ALK: variants seen among roughly 807,000 people sequenced by gnomAD.
ALK encodes the protein ALK receptor tyrosine kinase.
In ALK, 74 loss-of-function variants were observed where a neutral mutation model predicts 163.1. The observed-to-expected ratio is 0.45, with a 90% CI of 0.38 to 0.55. The LOEUF (loss-of-function observed/expected upper bound fraction) is 0.55, where lower values mean the gene tolerates loss of function less well. ALK is among the 20% of genes least tolerant of loss of function. The pLI is 0.00. For missense variants in ALK, 2,063 were observed against 2,105.3 expected (o/e 0.98, Z 0.39); for synonymous variants, 960 against 843.2 (o/e 1.14, Z -2.40).
At chr2:29,792,326 A>G (rs1664208980) in intron 1 of ALK, among the ~76,000 whole-genome samples, 1 of 152,190 alleles carries the variant, frequency 6.6e-6, no homozygotes, top group African/African-American at 2.4e-5. Flanking sequence ...TCAGGTCTGT[A>G]TAAGAATTTA....
At chr2:29,305,338 AATGACCCGAGG>A (rs1288936964) in intron 8 of ALK, among the ~76,000 whole-genome samples, 3 of 152,184 alleles carry the variant, frequency 2.0e-5, no homozygotes, top group Non-Finnish European at 4.4e-5. Context: ...CGTGAGCAGT[AATGACCCGAGG>A]ATGTATACGG....
chr2:29,825,361 A>G (rs975599266), intron 1 of ALK, among the ~76,000 whole-genome samples: 2 of 152,250 alleles, frequency 1.3e-5, no homozygotes, highest in African/African-American at 4.8e-5. Flanking sequence ...CTGGGCCATA[A>G]CAACAAGCAA....
intron 1 of ALK, among the ~76,000 whole-genome samples, chr2:29,919,336 A>T (rs1357516764): frequency 7.0e-6 from 1 of 142,186 alleles, no homozygotes; most frequent in Non-Finnish European, 1.5e-5. Context: ...CTTCCTCCAC[A>T]CCTCCCTCCT....
intron 5 of ALK, among the ~76,000 whole-genome samples, chr2:29,354,536 A>G (rs1202315007): frequency 6.6e-6 from 1 of 152,046 alleles, no homozygotes; most frequent in Non-Finnish European, 1.5e-5. Context: ...GAGCCATGGC[A>G]TCGTGCACCG....
At chr2:29,579,485 T>C (rs1209510382) in intron 3 of ALK, among the ~76,000 whole-genome samples, 1 of 152,186 alleles carries the variant, frequency 6.6e-6, no homozygotes, top group Non-Finnish European at 1.5e-5. Flanking sequence ...TGATAGCAAA[T>C]GTTCAGCTAG....
At chr2:29,579,268 C>T (rs958065953) in intron 3 of ALK, among the ~76,000 whole-genome samples, 29 of 152,314 alleles carry the variant, frequency 1.9e-4, no homozygotes, top group African/African-American at 6.5e-4. Context: ...GCCTAAGTTC[C>T]GTTCCAGCTT....
chr2:29,226,885 A>G (rs2148178173), intron 18 of ALK, 37 bp downstream of exon 18: 1 of 1,612,730 alleles, frequency 6.2e-7, no homozygotes, highest in Non-Finnish European at 8.5e-7. Context: ...ATCTCAGGCT[A>G]TGGGCCCCTC....
At chr2:29,236,590 G>C (rs540878838) in intron 13 of ALK, among the ~76,000 whole-genome samples, 1 of 152,170 alleles carries the variant, frequency 6.6e-6, no homozygotes, top group Non-Finnish European at 1.5e-5. Flanking sequence ...TCAGGTGGGG[G>C]TGGGGAGCGG....
At chr2:29,591,267 T>G (rs1675050029) in intron 3 of ALK, among the ~76,000 whole-genome samples, 1 of 152,152 alleles carries the variant, frequency 6.6e-6, no homozygotes, top group South Asian at 2.1e-4. Context: ...TCCTTCAGAC[T>G]TCCTCATTCT....
chr2:29,838,886 A>G (rs1381139709), intron 1 of ALK, among the ~76,000 whole-genome samples: 1 of 150,498 alleles, frequency 6.6e-6, no homozygotes, highest in East Asian at 1.9e-4. Flanking sequence ...TGGACACAAA[A>G]GATAAGTGTT....
At chr2:29,268,524 T>C (rs1301657357) in intron 11 of ALK, among the ~76,000 whole-genome samples, 1 of 152,156 alleles carries the variant, frequency 6.6e-6, no homozygotes. Flanking sequence ...GGCCCCTGCA[T>C]AGGGTTTGGC....
intron 3 of ALK, among the ~76,000 whole-genome samples, chr2:29,685,032 G>T (rs939345461): frequency 6.6e-6 from 1 of 152,162 alleles, no homozygotes; most frequent in African/African-American, 2.4e-5. Flanking sequence ...GTTCATCTTC[G>T]ATTATCATCT....
chr2:29,310,930 G>T (rs572656270), intron 8 of ALK, among the ~76,000 whole-genome samples: 2 of 152,248 alleles, frequency 1.3e-5, no homozygotes, highest in African/African-American at 4.8e-5. Context: ...TGTCATTAGA[G>T]ACTGGAAGTG....
rs758695651 is a variant in ALK, at chr2:29,209,894, A to G, written c.3744-16T>C. ...AGCAATGTCTCTGGGAAGAAAGGAAATGCATTTCCTAATTTTATCCCTAGG... is the reference window on the plus strand; with the variant it reads ...AGCAATGTCTCTGGGAAGAAAGGAAGTGCATTTCCTAATTTTATCCCTAGG... On this transcript the variant is annotated splice_polypyrimidine_tract_variant and intron_variant, in intron 24 of 28. Coordinates refer to ENST00000389048, the MANE Select transcript of ALK (RefSeq NM_004304.5). The G allele has an allele frequency of 6.2e-7, 1 of 1,606,906 alleles. No individual in the cohort carries two copies. The highest frequency in any genetic ancestry group is 1.3e-5 in the African/African-American group (1 of 74,932).
rs1025757714 is a variant in ALK, at chr2:29,414,297, T to C, written c.1155-30438A>G. Among the ~76,000 whole-genome samples the C allele has an allele frequency of 7.2e-5, 11 of 152,190 alleles. No homozygotes were observed. The East Asian group carries it at 1.9e-3, about 27-fold the overall frequency. On this transcript the variant is annotated intron_variant, in intron 4 of 28. Coordinates refer to ENST00000389048, the MANE Select transcript of ALK (RefSeq NM_004304.5). ...GGATGATCTCTAGGATCTCTTACAG[T>C]TCTGAAATAGTGTGACTTAAAAATG...
At chr2:29,402,591 T>C (rs1468222021) in intron 4 of ALK, among the ~76,000 whole-genome samples, 1 of 152,244 alleles carries the variant, frequency 6.6e-6, no homozygotes, top group Non-Finnish European at 1.5e-5. Context: ...TATTTTTTGG[T>C]TTCTAGTGCC....
intron 4 of ALK, among the ~76,000 whole-genome samples, chr2:29,384,160 T>C (rs992066266): frequency 6.6e-6 from 1 of 152,222 alleles, no homozygotes; most frequent in African/African-American, 2.4e-5. Flanking sequence ...TTTGAGTAGC[T>C]AGTATCACAA....
intron 3 of ALK, among the ~76,000 whole-genome samples, chr2:29,674,466 C>T (rs1677810604): frequency 6.7e-6 from 1 of 149,132 alleles, no homozygotes; most frequent in African/African-American, 2.5e-5. Flanking sequence ...TGTTTATATG[C>T]TGGATTACAT....
chr2:29,703,843 G>A (rs1400766708), intron 2 of ALK, among the ~76,000 whole-genome samples: 1 of 152,186 alleles, frequency 6.6e-6, no homozygotes, highest in Non-Finnish European at 1.5e-5. Flanking sequence ...ACCCAGGCAA[G>A]GGAAAATACT....
Sources: gnomAD v4.1 joint callset for allele counts (sites outside exome capture counted in the v4.1 genomes callset) on GRCh38, gnomAD v4.1.1 for gene constraint, MANE v1.5 for transcripts, NCBI Gene and HGNC (gene_info 2026-07-23, HGNC 2026-07-21) for gene names.